The following MAML2 variants were observed in gnomAD, a reference collection of about 807,000 sequenced individuals.
The protein encoded by MAML2 is mastermind like transcriptional coactivator 2.
Under a neutral mutation model 96.1 loss-of-function variants are expected in MAML2, and 22 were observed. That is an observed-to-expected ratio of 0.23 (90% confidence interval 0.16 to 0.33). The LOEUF (loss-of-function observed/expected upper bound fraction) is 0.33. Among genes scored for constraint, MAML2 ranks in the 10% least tolerant of loss-of-function variants. The pLI is 1.00. For missense variants in MAML2, 1,367 were observed against 1,392.4 expected (o/e 0.98, Z 0.29); for synonymous variants, 561 against 521.3 (o/e 1.08, Z -1.04).
chr11:96,198,397 C>G (rs1297998236), intron 1 of MAML2, among the ~76,000 whole-genome samples: 1 of 152,168 alleles, frequency 6.6e-6, no homozygotes. Flanking sequence ...TCAGATATGT[C>G]CTCCCTATGT....
At chr11:96,225,130 T>A (rs998591597) in intron 1 of MAML2, among the ~76,000 whole-genome samples, 4 of 152,220 alleles carry the variant, frequency 2.6e-5, no homozygotes, top group African/African-American at 9.6e-5. Context: ...AAAACTACCT[T>A]CTTCCTGAGT....
intron 1 of MAML2, among the ~76,000 whole-genome samples, chr11:96,267,054 A>G (rs6483491): frequency 0.16 from 24,255 of 150,484 alleles, 2,267 homozygotes; most frequent in Admixed American, 0.25. Flanking sequence ...TCCCTAATGT[A>G]TAGTTTTATA....
intron 1 of MAML2, among the ~76,000 whole-genome samples, chr11:96,179,683 C>A (rs1475181444): frequency 6.6e-6 from 1 of 152,212 alleles, no homozygotes; most frequent in East Asian, 1.9e-4. Context: ...TACTTCAAGC[C>A]ATTTTAGTAT....
intron 2 of MAML2, among the ~76,000 whole-genome samples, chr11:96,078,049 G>A (rs1859471728): frequency 6.6e-6 from 1 of 152,096 alleles, no homozygotes; most frequent in African/African-American, 2.4e-5. Context: ...CTATGAGAGT[G>A]CAGCTGAAAA....
chr11:96,201,991 A>G (rs995486620), intron 1 of MAML2, among the ~76,000 whole-genome samples: 6 of 151,528 alleles, frequency 4.0e-5, no homozygotes, highest in Non-Finnish European at 5.9e-5. Flanking sequence ...GAGGAAAAAG[A>G]GTCTATTTTC....
At chr11:96,008,221 A>G (rs568852174) in intron 2 of MAML2, among the ~76,000 whole-genome samples, 4 of 119,200 alleles carry the variant, frequency 3.4e-5, no homozygotes, top group African/African-American at 6.6e-5. Context: ...TTCCTCAGCA[A>G]TTTGGGTAGG....
chr11:96,285,954 C>T (rs933237914), intron 1 of MAML2, among the ~76,000 whole-genome samples: 5 of 152,210 alleles, frequency 3.3e-5, no homozygotes, highest in Admixed American at 3.3e-4. Flanking sequence ...TACCATTTGA[C>T]CCAGCAATCC....
chr11:96,251,369 T>G (rs1862579389), intron 1 of MAML2, among the ~76,000 whole-genome samples: 1 of 152,238 alleles, frequency 6.6e-6, no homozygotes, highest in African/African-American at 2.4e-5. Context: ...TCTAAGGTAT[T>G]GGGATAATTA....
intron 1 of MAML2, among the ~76,000 whole-genome samples, chr11:96,132,779 A>G (rs1281838512): frequency 2.6e-5 from 4 of 152,228 alleles, no homozygotes; most frequent in Non-Finnish European, 5.9e-5. Context: ...GGATTAATTC[A>G]TCAGTGTATT....
At chr11:96,004,039 T>C (rs113033103) in intron 2 of MAML2, among the ~76,000 whole-genome samples, 6 of 152,316 alleles carry the variant, frequency 3.9e-5, no homozygotes, top group African/African-American at 1.4e-4. Context: ...TTATATGAGT[T>C]GAATAAACTG....
At chr11:96,260,084 C>T (rs1157124849) in intron 1 of MAML2, among the ~76,000 whole-genome samples, 1 of 151,980 alleles carries the variant, frequency 6.6e-6, no homozygotes. Flanking sequence ...AACACCTGTG[C>T]CACCTTCCTA....
intron 1 of MAML2, among the ~76,000 whole-genome samples, chr11:96,180,625 A>T (rs1342425500): frequency 6.6e-6 from 1 of 152,212 alleles, no homozygotes; most frequent in Non-Finnish European, 1.5e-5. Context: ...AAAGGGAGCC[A>T]ATCTGGACTG....
chr11:96,143,002 G>A (rs1860760169), intron 1 of MAML2, among the ~76,000 whole-genome samples: 1 of 152,310 alleles, frequency 6.6e-6, no homozygotes, highest in East Asian at 1.9e-4. Context: ...ACTTACAACT[G>A]ATGCCAGCTA....
rs757987068 is a variant in MAML2, at chr11:96,093,203, A to C, written c.828T>G (p.Ser276Arg). ...KKEPGETLSC[S>R]KHMDGQMTQE... ...GGGTCATTTGGCCATCCATGTGCTT[A>C]CTGCAAGACAGAGTCTCTCCTGGCT... The change falls in exon 2 of 5, where the codon AGT (serine) becomes AGG (arginine). Residue 276 changes from serine (S) to arginine (R), a missense_variant. Coordinates refer to ENST00000524717, the MANE Select transcript of MAML2 (RefSeq NM_032427.4). 1 of 1,614,060 alleles carries C rather than the reference A, an allele frequency of 6.2e-7. No homozygotes were observed. Among genetic ancestry groups the C allele is most frequent in the South Asian group, 1.1e-5 (1 of 91,088 alleles).
intron 1 of MAML2, among the ~76,000 whole-genome samples, chr11:96,178,930 G>A (rs1305356761): frequency 6.6e-6 from 1 of 152,168 alleles, no homozygotes; most frequent in East Asian, 1.9e-4. Flanking sequence ...ACCCTCTTCT[G>A]AAAAAGGAAT....
rs181825004 is a variant in MAML2, at chr11:96,316,973, C to T, written c.513+24410G>A. ...TGCTGTTGGGGCCAAGCCCCCTCCC[C>T]ACTCTGGTGGACACTTTATTTAAGA... On this transcript the variant is annotated intron_variant, in intron 1 of 4. Transcript: ENST00000524717. Among the ~76,000 whole-genome samples the T allele has an allele frequency of 1.5e-3, 236 of 152,300 alleles. 1 individual carries two copies. Among genetic ancestry groups the T allele is most frequent in the African/African-American group, 5.4e-3 (224 of 41,564 alleles).
At chr11:96,176,381 A>G in intron 1 of MAML2, among the ~76,000 whole-genome samples, 1 of 152,362 alleles carries the variant, frequency 6.6e-6, no homozygotes, top group Admixed American at 6.5e-5. Flanking sequence ...TGCGATTTAT[A>G]TACATTATTA....
intron 1 of MAML2, among the ~76,000 whole-genome samples, chr11:96,130,770 A>ATT (rs35416611): frequency 0.084 from 12,432 of 147,458 alleles, 521 homozygotes; most frequent in South Asian, 0.13. Context: ...GTTTATTCTG[A>ATT]TTTTTTTTTT....
In MAML2 at chr11:96,307,165, C is replaced by A. The variant is rs185609563; in HGVS notation, c.513+34218G>T. Among the ~76,000 whole-genome samples the A allele has an allele frequency of 4.6e-5, 7 of 152,310 alleles. No homozygotes were observed. The East Asian group carries it at 5.8e-4, about 13-fold the overall frequency. ...ACATCACAGTCACCAACACAGCAAA[C>A]AATCACTCCAATCCCTGCTCCCGCT... On this transcript the variant is annotated intron_variant, in intron 1 of 4. Coordinates refer to ENST00000524717, the MANE Select transcript of MAML2 (RefSeq NM_032427.4).
Sources: gnomAD v4.1 joint callset for allele counts (sites outside exome capture counted in the v4.1 genomes callset) on GRCh38, gnomAD v4.1.1 for gene constraint, MANE v1.5 for transcripts, NCBI Gene and HGNC (gene_info 2026-07-23, HGNC 2026-07-21) for gene names.